PRKDC: variants seen among roughly 807,000 people sequenced by gnomAD.
PRKDC encodes protein kinase, DNA-activated, catalytic subunit, also known as DNA-dependent protein kinase catalytic subunit.
PRKDC carries 82 observed loss-of-function variants against 486.9 expected under a neutral mutation model. The ratio of observed to expected loss-of-function variants is 0.17; its 90% CI spans 0.14 to 0.20. The LOEUF (loss-of-function observed/expected upper bound fraction) is 0.20, where lower values mean the gene tolerates loss of function less well. PRKDC is among the 10% of genes least tolerant of loss of function. The pLI is 1.00. For synonymous variants in PRKDC, 1,895 were observed against 1,837.0 expected (o/e 1.03, Z -0.81); for missense variants, 4,504 against 5,038.2 (o/e 0.89, Z 3.21).
In PRKDC at chr8:47,849,448, T is replaced by C. The variant is rs2154500207; in HGVS notation, c.7061A>G (p.Asn2354Ser). Residue 2354 changes from asparagine to serine, a missense_variant, in exon 53 of 86, where the codon AAT (asparagine) becomes AGT (serine). Coordinates refer to ENST00000314191, the MANE Select transcript of PRKDC (RefSeq NM_006904.7). ...LVAKQLKQHQ[N>S]TMEDKFIVCL... is the part of the protein sequence containing the mutation. ...CACAATAAACTTGTCCTCCATAGTATTCTGATGTTGCTTCAATTGTTTCGC... is the reference window on the plus strand; with the variant it reads ...CACAATAAACTTGTCCTCCATAGTACTCTGATGTTGCTTCAATTGTTTCGC... 3 of 1,614,048 alleles carry C rather than the reference T, an allele frequency of 1.9e-6. No individual in the cohort carries two copies. Among genetic ancestry groups the C allele is most frequent in the Non-Finnish European group, 1.7e-6 (2 of 1,179,900 alleles).
intron 68 of PRKDC, among the ~76,000 whole-genome samples, chr8:47,815,902 CCAAA>C (rs1191976979): frequency 1.3e-5 from 2 of 152,080 alleles, no homozygotes; most frequent in African/African-American, 4.8e-5. Context: ...AGTGGAGAGA[CCAAA>C]CAATCAAAAT....
Position 47,821,475 on chromosome 8 carries a change from A to G in PRKDC, c.9111+129T>C, listed in dbSNP as rs573473087. Reference sequence around the variant, plus strand: ...ACAATACTATGGGGTTTGTAGGTGGACTCAGGTCATGCAATTCCCTAGTGC... The same window carrying G: ...ACAATACTATGGGGTTTGTAGGTGGGCTCAGGTCATGCAATTCCCTAGTGC... On this transcript the variant is annotated intron_variant, in intron 65 of 85. Transcript: ENST00000314191. 7.1e-5 allele frequency: 58 copies of G among 821,774 alleles called. No homozygotes were observed. The African/African-American group carries it at 8.2e-4, about 12-fold the overall frequency. The allele number at this position is 821,774 out of a possible 1,614,324, so 50.9% of individuals were successfully genotyped here.
In PRKDC at chr8:47,782,296, CTCTT is replaced by C; in HGVS notation, c.11397-46_11397-43del. ...AAGGTTAACGAGTAAACCCAAACTG[CTCTT>C]TCTTCACTAGAAAAACAGTCCCGTG... On this transcript the variant is annotated intron_variant, in intron 79 of 85. Coordinates refer to ENST00000314191, the MANE Select transcript of PRKDC (RefSeq NM_006904.7). The surrounding 1 kb of genome is among the most constrained non-coding windows in gnomAD (Gnocchi z 4.9). 6.2e-7 allele frequency: 1 copy of C among 1,611,372 alleles called. No homozygotes were observed. Among genetic ancestry groups the C allele is most frequent in the Non-Finnish European group, 8.5e-7 (1 of 1,177,512 alleles).
chr8:47,900,695 A>G (rs2089664091), intron 27 of PRKDC, among the ~76,000 whole-genome samples: 1 of 151,894 alleles, frequency 6.6e-6, no homozygotes, highest in Non-Finnish European at 1.5e-5. Flanking sequence ...TAAAAATACA[A>G]AAAATTAGCT....
rs758695562 is a variant in PRKDC at position 47,957,144 on chromosome 8, T to C, written c.324+27A>G. On this transcript the variant is annotated intron_variant, in intron 3 of 85. Transcript: ENST00000314191. ...TTAAAACAGATGTTGATATATAATGTAATAAGGTATGTTTTTTAATTCTTA... is the reference window on the plus strand; with the variant it reads ...TTAAAACAGATGTTGATATATAATGCAATAAGGTATGTTTTTTAATTCTTA... 9 of 1,416,026 alleles carry C rather than the reference T, an allele frequency of 6.4e-6. No individual in the cohort carries two copies. In the Admixed American group the frequency reaches 9.1e-5, roughly 14 times the overall value. 87.7% of individuals were successfully genotyped at this position (1,416,026 alleles called of 1,614,324 possible). A position where few individuals can be genotyped will look rare whatever the true frequency, so the allele number is the denominator to read the frequency against.
chr8:47,947,985 C>T (rs756733776), intron 7 of PRKDC, among the ~76,000 whole-genome samples: 2 of 151,528 alleles, frequency 1.3e-5, no homozygotes, highest in Admixed American at 6.6e-5. Context: ...GGGAGGACCA[C>T]GGTGGGAGCA....
chr8:47,941,144 A>T (rs1272739533), intron 10 of PRKDC, among the ~76,000 whole-genome samples: 1 of 151,590 alleles, frequency 6.6e-6, no homozygotes, highest in Non-Finnish European at 1.5e-5. Flanking sequence ...AAAAAAAAAA[A>T]CCAAAAAAAC....
chr8:47,888,467 A>G (rs1285298298), intron 34 of PRKDC, 51 bp downstream of exon 34: 1 of 1,415,422 alleles, frequency 7.1e-7, no homozygotes, highest in African/African-American at 1.4e-5. Context: ...TAAATACACT[A>G]ATTATCATAC....
rs572211823 is a variant in PRKDC, at chr8:47,918,919, G to A, written c.2420-536C>T. 2.6e-5 allele frequency among the ~76,000 whole-genome samples: 4 copies of A among 152,022 alleles called. No individual in the cohort carries two copies. In the East Asian group the frequency reaches 7.7e-4, roughly 29 times the overall value. ...AAACTATTATGGTGAGCTTGATGAG[G>A]AACAAGACTATTTACAGTGTTGAAG... On this transcript the variant is annotated intron_variant, in intron 21 of 85. Coordinates refer to ENST00000314191, the MANE Select transcript of PRKDC (RefSeq NM_006904.7).
Position 47,928,979 on chromosome 8 carries a change from C to T in PRKDC, c.2139+113G>A, listed in dbSNP as rs567076495. On this transcript the variant is annotated intron_variant, in intron 19 of 85. Transcript: ENST00000314191. The stretch of plus-strand genomic sequence containing the variant: ...TGCTGGGATTAAGGGCATGAGCCAC[C>T]GCACCCAGCCCCAATTCTTAAAATA... 46 of 877,364 alleles carry T rather than the reference C, an allele frequency of 5.2e-5. No individual in the cohort carries two copies. The African/African-American group carries it at 6.6e-4, about 13-fold the overall frequency. 54.3% of individuals were successfully genotyped at this position (877,364 alleles called of 1,614,324 possible).
intron 74 of PRKDC, among the ~76,000 whole-genome samples, chr8:47,790,289 G>C (rs1589697250): frequency 6.6e-6 from 1 of 152,126 alleles, no homozygotes; most frequent in East Asian, 1.9e-4. Flanking sequence ...AGAAATCATA[G>C]AAGTAATTCT....
rs367931631 is a variant in PRKDC at position 47,886,052 on chromosome 8, C to G, written c.4668G>C (p.Gly1556=). The change falls in exon 36 of 86, where the codon GGG becomes GGC. Residue 1556 remains glycine, a synonymous_variant. Transcript: ENST00000314191. The part of the protein sequence containing the change: ...SQGSVIHFSH[G]EYFYSLFSET... The stretch of plus-strand genomic sequence containing the variant: ...CTGAGAACAAGCTATAGAAATACTC[C>G]CCATGGGAGAAGTGGATGACGCTGC... The G allele has an allele frequency of 6.2e-7, 1 of 1,613,684 alleles. No homozygotes were observed. The highest frequency in any genetic ancestry group is 8.5e-7 in the Non-Finnish European group (1 of 1,179,882).
At position 47,930,666 on chromosome 8, in the gene PRKDC, A is replaced by C; in HGVS notation, c.1892+6T>G. ...ATTCTTAAATAATTAGAATTTTACCAAATACCTGCAAAATTCCACCAGGTT... is the reference window on the plus strand; with the variant it reads ...ATTCTTAAATAATTAGAATTTTACCCAATACCTGCAAAATTCCACCAGGTT... On this transcript the variant is annotated splice_donor_region_variant and intron_variant, in intron 17 of 85. Coordinates refer to ENST00000314191, the MANE Select transcript of PRKDC (RefSeq NM_006904.7). The C allele has an allele frequency of 6.4e-7, 1 of 1,553,550 alleles. No individual in the cohort carries two copies. Among genetic ancestry groups the C allele is most frequent in the Non-Finnish European group, 8.7e-7 (1 of 1,148,520 alleles).
At chr8:47,805,194 T>G (rs980779152) in intron 69 of PRKDC, 1 of 152,192 alleles carries the variant, frequency 6.6e-6, no homozygotes, top group Non-Finnish European at 1.5e-5. Flanking sequence ...CGTTTAACTT[T>G]TTGAGGAAAT....
intron 10 of PRKDC, among the ~76,000 whole-genome samples, chr8:47,940,433 GA>G (rs949772743): frequency 6.6e-6 from 1 of 151,314 alleles, no homozygotes; most frequent in Non-Finnish European, 1.5e-5. Flanking sequence ...ATCAAAGGCA[GA>G]AAAAAAAATC....
intron 40 of PRKDC, among the ~76,000 whole-genome samples, chr8:47,876,169 C>A (rs1313573414): frequency 6.6e-6 from 1 of 152,116 alleles, no homozygotes; most frequent in African/African-American, 2.4e-5. Context: ...TTATATGGTG[C>A]TGGTTGCATA....
intron 74 of PRKDC, among the ~76,000 whole-genome samples, chr8:47,791,285 G>C (rs2086878295): frequency 6.6e-6 from 1 of 152,124 alleles, no homozygotes; most frequent in South Asian, 2.1e-4. Context: ...GACCAGCCTG[G>C]CCAACATGGT....
Position 47,955,873 on chromosome 8 carries a change from C to A in PRKDC, c.399+1G>T. On this transcript the variant is annotated splice_donor_variant, in intron 4 of 85. Coordinates refer to ENST00000314191, the MANE Select transcript of PRKDC (RefSeq NM_006904.7). LOFTEE classifies it high-confidence loss of function. ...ATACGTGTACTTAGAAACATAATTA[C>A]CTTAATAAGAAGGTCCAGGGCTGGA... 6.3e-7 allele frequency: 1 copy of A among 1,577,626 alleles called. No individual in the cohort carries two copies. Among genetic ancestry groups the A allele is most frequent in the South Asian group, 1.1e-5 (1 of 87,764 alleles).
chr8:47,900,543 T>G, intron 27 of PRKDC, 76 bp from the exon 28 acceptor site: 1 of 1,323,860 alleles, frequency 7.6e-7, no homozygotes, highest in Non-Finnish European at 1.0e-6. Flanking sequence ...AGGAATGGAA[T>G]TAAAGAAGGC....
Sources: gnomAD v4.1 joint callset for allele counts (sites outside exome capture counted in the v4.1 genomes callset) on GRCh38, gnomAD v4.1.1 for gene constraint, Gnocchi (gnomAD v3.1) non-coding constraint, MANE v1.5 for transcripts, NCBI Gene and HGNC (gene_info 2026-07-23, HGNC 2026-07-21) for gene names.